TXNRD1: variants seen among roughly 807,000 people sequenced by gnomAD.
TXNRD1 encodes thioredoxin reductase 1, cytoplasmic.
Under a neutral mutation model 80.3 loss-of-function variants are expected in TXNRD1, and 57 were observed. The observed-to-expected ratio is 0.71, with a 90% confidence interval of 0.57 to 0.89. The LOEUF is 0.89. TXNRD1 is among the 40% of genes least tolerant of loss of function. TXNRD1 has a pLI of 0.00. For synonymous variants in TXNRD1, 291 were observed against 285.2 expected (o/e 1.02, Z -0.20); for missense variants, 730 against 803.0 (o/e 0.91, Z 1.10).
chr12:104,337,925 T>A (rs1286673706), intron 15 of TXNRD1, among the ~76,000 whole-genome samples: 1 of 149,910 alleles, frequency 6.7e-6, no homozygotes, highest in African/African-American at 2.4e-5. Flanking sequence ...TAGCTGGGAC[T>A]ACAGATGTGA....
intron 3 of TXNRD1, 147 bp from the exon 4 acceptor site, chr12:104,288,784 A>G (rs2034064466): frequency 1.9e-6 from 3 of 1,553,864 alleles, no homozygotes; most frequent in Non-Finnish European, 2.6e-6. Context: ...TCAGAAATGC[A>G]GCAAGTCATG....
chr12:104,327,774 G>A (rs2035815876), intron 13 of TXNRD1, 103 bp downstream of exon 13: 1 of 1,302,492 alleles, frequency 7.7e-7, no homozygotes, highest in Middle Eastern at 1.9e-4. Flanking sequence ...GAATAATTTA[G>A]TTATTTTGGT....
chr12:104,224,483 G>T (rs1351439838), intron 1 of TXNRD1, among the ~76,000 whole-genome samples: 1 of 152,128 alleles, frequency 6.6e-6, no homozygotes, highest in African/African-American at 2.4e-5. Flanking sequence ...CTGCCTCCCA[G>T]GTTGAGGCAA....
intron 3 of TXNRD1, among the ~76,000 whole-genome samples, chr12:104,272,790 T>TA (rs34460613): frequency 0.29 from 38,209 of 129,524 alleles, 5,735 homozygotes; most frequent in Non-Finnish European, 0.38. Context: ...AGACTCCACC[T>TA]AAAAAAAAAA....
chr12:104,299,587 T>C (rs977459649), intron 4 of TXNRD1, among the ~76,000 whole-genome samples: 4 of 151,918 alleles, frequency 2.6e-5, no homozygotes, highest in Non-Finnish European at 5.9e-5. Flanking sequence ...GTCAACATGC[T>C]GAAACCCTGT....
intron 4 of TXNRD1, chr12:104,310,178 CTCTG>C: frequency 3.0e-5 from 20 of 670,710 alleles, no homozygotes; most frequent in Admixed American, 4.4e-5. Context: ...TGGAGTCTCA[CTCTG>C]TGAGACTCCC....
intron 3 of TXNRD1, among the ~76,000 whole-genome samples, chr12:104,272,671 A>G (rs1027866448): frequency 1.6e-4 from 24 of 151,998 alleles, no homozygotes; most frequent in African/African-American, 5.6e-4. Context: ...GGGCGCCTGT[A>G]GTCCCAGCTA....
At chr12:104,268,760 A>ACCCG (rs1357848157) in intron 3 of TXNRD1, among the ~76,000 whole-genome samples, 1 of 150,300 alleles carries the variant, frequency 6.7e-6, no homozygotes, top group Non-Finnish European at 1.5e-5. Flanking sequence ...CATGTAATCC[A>ACCCG]CCCGCCTTGG....
intron 1 of TXNRD1, among the ~76,000 whole-genome samples, chr12:104,241,766 C>G (rs2032873409): frequency 6.6e-6 from 1 of 151,940 alleles, no homozygotes; most frequent in Non-Finnish European, 1.5e-5. Context: ...GTCTTGAACT[C>G]CTAGGCTCAA....
intron 3 of TXNRD1, among the ~76,000 whole-genome samples, chr12:104,273,116 A>G (rs151084822): frequency 6.6e-6 from 1 of 152,356 alleles, no homozygotes; most frequent in African/African-American, 2.4e-5. Flanking sequence ...ATCAAGAGGA[A>G]TAAGCAGACC....
rs764418647 is a variant in TXNRD1 at position 104,327,554 on chromosome 12, T to C, written c.1425T>C (p.Asn475=). ...KIPVTDEEQT[N]VPYIYAIGDI... is the part of the protein sequence containing the mutation. ...CTGTCACAGATGAAGAACAGACCAA[T>C]GTGCCTTACATCTATGCCATTGGCG... Residue 475 remains asparagine, a synonymous_variant, in exon 13 of 17, where the codon AAT becomes AAC. Transcript: ENST00000525566. The C allele has an allele frequency of 1.9e-6, 3 of 1,613,640 alleles. No homozygotes were observed. Among genetic ancestry groups the C allele is most frequent in the South Asian group, 2.2e-5 (2 of 91,014 alleles).
chr12:104,232,020 G>A (rs1279287964), intron 1 of TXNRD1, among the ~76,000 whole-genome samples: 1 of 152,210 alleles, frequency 6.6e-6, no homozygotes, highest in Non-Finnish European at 1.5e-5. Flanking sequence ...AGGACTGTGT[G>A]TGTTGTTCAT....
At chr12:104,283,636 C>T (rs1374424494) in intron 3 of TXNRD1, among the ~76,000 whole-genome samples, 4 of 151,902 alleles carry the variant, frequency 2.6e-5, no homozygotes, top group South Asian at 2.1e-4. Flanking sequence ...TTTGGGAGGC[C>T]GAGGCAGGCG....
At chr12:104,258,427 G>T (rs2033299599) in intron 3 of TXNRD1, among the ~76,000 whole-genome samples, 1 of 152,098 alleles carries the variant, frequency 6.6e-6, no homozygotes, top group Admixed American at 6.6e-5. Flanking sequence ...AATAGTATTT[G>T]AATTAAATAT....
At chr12:104,249,738 A>G (rs539418618) in intron 1 of TXNRD1, among the ~76,000 whole-genome samples, 29 of 152,152 alleles carry the variant, frequency 1.9e-4, no homozygotes, top group Admixed American at 1.3e-3. Context: ...GATCAAGACC[A>G]TCCTGGCTAA....
chr12:104,267,338 T>C (rs1001545339), intron 3 of TXNRD1, among the ~76,000 whole-genome samples: 1 of 140,896 alleles, frequency 7.1e-6, no homozygotes, highest in African/African-American at 2.6e-5. Flanking sequence ...AGTGCAGTGG[T>C]ATGATCTTGG....
chr12:104,285,564 A>G (rs1049153855), intron 3 of TXNRD1, among the ~76,000 whole-genome samples: 1 of 152,198 alleles, frequency 6.6e-6, no homozygotes, highest in Non-Finnish European at 1.5e-5. Flanking sequence ...GCCTCTTCAA[A>G]TCAATCCTTA....
chr12:104,255,590 G>C (rs1267645979), intron 2 of TXNRD1, among the ~76,000 whole-genome samples: 1 of 152,030 alleles, frequency 6.6e-6, no homozygotes, highest in Non-Finnish European at 1.5e-5. Context: ...CCTGAGGTCA[G>C]GAGACCAGCC....
At chr12:104,244,249 A>G (rs991202722) in intron 1 of TXNRD1, among the ~76,000 whole-genome samples, 1 of 152,232 alleles carries the variant, frequency 6.6e-6, no homozygotes, top group African/African-American at 2.4e-5. Context: ...GCAGGTACAA[A>G]CACATATGAA....
Sources: gnomAD v4.1 joint callset for allele counts (sites outside exome capture counted in the v4.1 genomes callset) on GRCh38, gnomAD v4.1.1 for gene constraint, MANE v1.5 for transcripts, NCBI Gene and HGNC (gene_info 2026-07-23, HGNC 2026-07-21) for gene names.